TRAPPC9: variants seen among roughly 807,000 people sequenced by gnomAD.
The protein encoded by TRAPPC9 is IKK2 binding protein.
TRAPPC9 carries 83 observed loss-of-function variants against 124.0 expected under a neutral mutation model. That is an observed-to-expected ratio of 0.67 (90% confidence interval 0.56 to 0.80). TRAPPC9 has a LOEUF of 0.80. TRAPPC9 is among the 30% of genes least tolerant of loss of function. TRAPPC9 has a pLI of 0.00. For missense variants in TRAPPC9, 1,302 were observed against 1,508.3 expected, an observed-to-expected ratio of 0.86 and a Z score of 2.27; for synonymous variants, 638 against 617.5, an observed-to-expected ratio of 1.03 and a Z score of -0.49.
At chr8:140,095,206 G>T in intron 17 of TRAPPC9, 1 of 152,266 alleles carries the variant, frequency 6.6e-6, no homozygotes, top group East Asian at 1.9e-4. Flanking sequence ...CAACGCCATG[G>T]CCGGCAGTTC....
At chr8:139,909,784 T>C (rs536721555) in intron 20 of TRAPPC9, among the ~76,000 whole-genome samples, 22 of 152,304 alleles carry the variant, frequency 1.4e-4, no homozygotes, top group African/African-American at 5.3e-4. Context: ...CTCAGACAAT[T>C]GCACTTGTGT....
chr8:140,378,653 T>C (rs1178423363), intron 7 of TRAPPC9, among the ~76,000 whole-genome samples: 1 of 152,240 alleles, frequency 6.6e-6, no homozygotes, highest in East Asian at 1.9e-4. Flanking sequence ...TCAAGTTTCC[T>C]TATTTTCTTA....
intron 17 of TRAPPC9, among the ~76,000 whole-genome samples, chr8:140,151,451 T>C (rs1013742650): frequency 4.6e-5 from 7 of 152,170 alleles, no homozygotes; most frequent in Admixed American, 4.6e-4. Flanking sequence ...AAGGCTCAGA[T>C]CAAGACATCG....
At chr8:139,925,827 G>GCGCACACA (rs1554673867) in intron 19 of TRAPPC9, among the ~76,000 whole-genome samples, 80 of 68,756 alleles carry the variant, frequency 1.2e-3, no homozygotes, top group African/African-American at 2.3e-3. Context: ...ACACGCACAC[G>GCGCACACA]CACACACACA....
rs545338593 is a variant in TRAPPC9 at position 139,770,052 on chromosome 8, G to A, written c.3056-37850C>T. On this transcript the variant is annotated intron_variant, in intron 21 of 22. Coordinates refer to ENST00000438773, the MANE Select transcript of TRAPPC9 (RefSeq NM_001160372.4). ...AGGCCCTGTGGGCCACACTGACTGC[G>A]CTGGCCTGGAAGACCCTGGCCACCC... is the stretch of plus-strand genomic sequence containing the variant. Among the ~76,000 whole-genome samples, 15 of 152,358 alleles carry A rather than the reference G, an allele frequency of 9.8e-5. No individual in the cohort carries two copies. In the South Asian group the frequency reaches 2.7e-3, roughly 27 times the overall value.
intron 7 of TRAPPC9, among the ~76,000 whole-genome samples, chr8:140,388,959 T>TC: frequency 7.8e-6 from 1 of 128,934 alleles, no homozygotes; most frequent in East Asian, 2.0e-4. Flanking sequence ...ACACTGTCTT[T>TC]TTTTTTTTTT....
intron 17 of TRAPPC9, among the ~76,000 whole-genome samples, chr8:140,044,379 A>T (rs1285215326): frequency 6.6e-6 from 1 of 151,462 alleles, no homozygotes; most frequent in Non-Finnish European, 1.5e-5. Flanking sequence ...CCCTACAACC[A>T]CTCATGGGCC....
intron 17 of TRAPPC9, among the ~76,000 whole-genome samples, chr8:140,131,639 G>C (rs2061211205): frequency 6.6e-6 from 1 of 152,134 alleles, no homozygotes; most frequent in Non-Finnish European, 1.5e-5. Flanking sequence ...GAAAAATGAA[G>C]CACTGACTTT....
At chr8:140,095,639 C>CT (rs1844889781) in intron 17 of TRAPPC9, 1 of 152,184 alleles carries the variant, frequency 6.6e-6, no homozygotes, top group South Asian at 2.1e-4. Flanking sequence ...CTTTCTCACA[C>CT]TCGTGGAGAA....
intron 17 of TRAPPC9, among the ~76,000 whole-genome samples, chr8:140,052,217 C>T (rs1587600172): frequency 4.4e-5 from 1 of 22,514 alleles, no homozygotes; most frequent in African/African-American, 1.8e-4. Flanking sequence ...TCCAAAACAA[C>T]AACAACAACA....
chr8:140,176,981 A>G (rs1007808039), intron 17 of TRAPPC9, among the ~76,000 whole-genome samples: 5 of 152,190 alleles, frequency 3.3e-5, no homozygotes, highest in Non-Finnish European at 5.9e-5. Flanking sequence ...TCATTTGCCT[A>G]TTTTTAAAAT....
At chr8:139,792,811 C>T (rs148607598) in intron 21 of TRAPPC9, among the ~76,000 whole-genome samples, 3 of 152,364 alleles carry the variant, frequency 2.0e-5, no homozygotes, top group Admixed American at 2.0e-4. Context: ...GCTATCTAGT[C>T]AGACTTTACA....
chr8:140,093,545 G>A (rs1844712118), intron 17 of TRAPPC9, among the ~76,000 whole-genome samples: 1 of 152,128 alleles, frequency 6.6e-6, no homozygotes, highest in Non-Finnish European at 1.5e-5. Context: ...GCGTGTGCCT[G>A]TAATCCCAGC....
intron 2 of TRAPPC9, among the ~76,000 whole-genome samples, chr8:140,442,642 G>A (rs540058837): frequency 1.3e-5 from 2 of 151,190 alleles, no homozygotes; most frequent in Non-Finnish European, 2.9e-5. Flanking sequence ...TTCTGATTTT[G>A]GTACTATTTA....
At chr8:140,228,003 T>C (rs1410861187) in intron 16 of TRAPPC9, among the ~76,000 whole-genome samples, 1 of 152,228 alleles carries the variant, frequency 6.6e-6, no homozygotes, top group African/African-American at 2.4e-5. Context: ...GCCAAGGTTG[T>C]TCTGTAGCAC....
chr8:140,039,227 A>G (rs1385698428), intron 17 of TRAPPC9, among the ~76,000 whole-genome samples: 1 of 152,232 alleles, frequency 6.6e-6, no homozygotes, highest in Non-Finnish European at 1.5e-5. Flanking sequence ...GTGCCCTATT[A>G]ACCAGGACTA....
chr8:140,188,153 G>A (rs1467069297), intron 17 of TRAPPC9, among the ~76,000 whole-genome samples: 1 of 152,228 alleles, frequency 6.6e-6, no homozygotes, highest in Non-Finnish European at 1.5e-5. Context: ...AGCAGGAATA[G>A]AATATTCTTC....
intron 21 of TRAPPC9, among the ~76,000 whole-genome samples, chr8:139,870,059 T>C (rs554756541): frequency 1.3e-5 from 2 of 152,284 alleles, no homozygotes; most frequent in South Asian, 4.1e-4. Flanking sequence ...TAAAATATAC[T>C]GTACTGTAAA....
At chr8:139,822,212 G>A (rs1053162507) in intron 21 of TRAPPC9, among the ~76,000 whole-genome samples, 1 of 152,124 alleles carries the variant, frequency 6.6e-6, no homozygotes, top group African/African-American at 2.4e-5. Context: ...CCTCAATCCT[G>A]TATTAGCATC....
Sources: allele counts gnomAD v4.1 joint callset (sites outside exome capture counted in the v4.1 genomes callset), GRCh38; gene constraint gnomAD v4.1.1; transcripts MANE v1.5; gene names NCBI Gene and HGNC (gene_info 2026-07-23, HGNC 2026-07-21).